The following TTLL5 variants were observed in gnomAD, a reference collection of about 807,000 sequenced individuals.
TTLL5 encodes the protein tubulin polyglutamylase TTLL5.
In TTLL5, 132 loss-of-function variants were observed where a neutral mutation model predicts 168.4. The observed-to-expected ratio is 0.78, with a 90% CI of 0.68 to 0.91. The LOEUF (loss-of-function observed/expected upper bound fraction) is 0.91. TTLL5 is among the 40% of genes least tolerant of loss of function. The pLI, the probability that TTLL5 is intolerant of heterozygous loss-of-function variation, is 0.00. For missense variants in TTLL5, 1,545 were observed against 1,581.5 expected (o/e 0.98, Z 0.39); for synonymous variants, 546 against 558.6 (o/e 0.98, Z 0.32).
chr14:75,729,279 T>C (rs913249756), intron 12 of TTLL5, among the ~76,000 whole-genome samples: 5 of 152,194 alleles, frequency 3.3e-5, no homozygotes, highest in African/African-American at 1.2e-4. Flanking sequence ...CACCCATTCA[T>C]GACAGGAAAG....
At chr14:75,895,305 A>G (rs2140066630) in intron 30 of TTLL5, among the ~76,000 whole-genome samples, 1 of 152,310 alleles carries the variant, frequency 6.6e-6, no homozygotes, top group South Asian at 2.1e-4. Flanking sequence ...TCATTTTACA[A>G]CCCAATTATG....
chr14:75,679,356 G>A (rs1181607848), intron 3 of TTLL5, among the ~76,000 whole-genome samples: 1 of 152,120 alleles, frequency 6.6e-6, no homozygotes, highest in South Asian at 2.1e-4. Flanking sequence ...CATAAGCCAA[G>A]GAATGGAAAA....
chr14:75,947,845 G>A (rs542936916), intron 31 of TTLL5, among the ~76,000 whole-genome samples: 22 of 151,666 alleles, frequency 1.5e-4, no homozygotes, highest in East Asian at 1.2e-3. Context: ...GGAGGCTGGC[G>A]CATCCCCATG....
intron 28 of TTLL5, among the ~76,000 whole-genome samples, chr14:75,863,131 C>T (rs1595168023): frequency 6.6e-6 from 1 of 152,194 alleles, no homozygotes; most frequent in African/African-American, 2.4e-5. Flanking sequence ...TGTCTTCCCA[C>T]ACCATTTATG....
intron 3 of TTLL5, 73 bp from the exon 4 acceptor site, chr14:75,681,472 C>A: frequency 1.7e-6 from 2 of 1,177,924 alleles, no homozygotes; most frequent in South Asian, 1.2e-5. Flanking sequence ...ATAATTAAGC[C>A]ACCATGTTAC....
rs745316288 is a variant in TTLL5 at position 75,775,612 on chromosome 14, T to G, written c.2265T>G (p.Phe755Leu). The part of the protein sequence containing the change: ...RRILAHQLGD[F>L]IIVYNKETEQ... Reference sequence around the variant, plus strand: ...TCCTGGCCCACCAGCTGGGTGACTTTATCATTGTATACAACAAGGTAAGTC... The same window carrying G: ...TCCTGGCCCACCAGCTGGGTGACTTGATCATTGTATACAACAAGGTAAGTC... Residue 755 changes from phenylalanine (F) to leucine (L), a missense_variant, in exon 22 of 32, where the codon TTT (phenylalanine) becomes TTG (leucine). By Grantham distance (22) the Phe-to-Leu change is conservative (BLOSUM62 0). Transcript: ENST00000298832. 2.5e-6 allele frequency: 4 copies of G among 1,613,980 alleles called. No homozygotes were observed. The African/African-American group carries it at 5.3e-5, about 22-fold the overall frequency.
chr14:75,920,696 C>T (rs2033795628), intron 31 of TTLL5, among the ~76,000 whole-genome samples: 1 of 152,162 alleles, frequency 6.6e-6, no homozygotes, highest in Admixed American at 6.6e-5. Flanking sequence ...GTGAATAGTG[C>T]TGCAGTAAAC....
At chr14:75,815,455 G>C (rs754827147) in intron 27 of TTLL5, among the ~76,000 whole-genome samples, 3 of 152,196 alleles carry the variant, frequency 2.0e-5, no homozygotes, top group Non-Finnish European at 4.4e-5. Context: ...AGGAATGGTT[G>C]TTATGTGAAT....
chr14:75,837,211 TGCTG>T (rs1304319137), intron 28 of TTLL5: 1 of 152,220 alleles, frequency 6.6e-6, no homozygotes, highest in Non-Finnish European at 1.5e-5. Context: ...AATGAGTTCA[TGCTG>T]GCTGTCGACA....
rs1892118595 is a variant in TTLL5 at position 75,782,485 on chromosome 14, A to G, written c.2516-2A>G. ...GTCCAAGCTCATTATTTCTTATTTCAGATCACCCTGAGACTATAATGGAAG... is the reference window on the plus strand; with the variant it reads ...GTCCAAGCTCATTATTTCTTATTTCGGATCACCCTGAGACTATAATGGAAG... On this transcript the variant is annotated splice_acceptor_variant, in intron 24 of 31. Coordinates refer to ENST00000298832, the MANE Select transcript of TTLL5 (RefSeq NM_015072.5). LOFTEE classifies it high-confidence loss of function. 2 of 1,610,836 alleles carry G rather than the reference A, an allele frequency of 1.2e-6. No individual in the cohort carries two copies. Among genetic ancestry groups the G allele is most frequent in the Admixed American group, 3.4e-5 (2 of 59,648 alleles).
chr14:75,903,077 T>A (rs778784504), intron 31 of TTLL5, among the ~76,000 whole-genome samples: 21 of 152,224 alleles, frequency 1.4e-4, no homozygotes, highest in Non-Finnish European at 2.2e-4. Context: ...GTGTAATAAC[T>A]CACTTGTTCA....
intron 28 of TTLL5, among the ~76,000 whole-genome samples, chr14:75,861,949 G>A (rs1160476855): frequency 6.6e-6 from 1 of 152,168 alleles, no homozygotes; most frequent in East Asian, 1.9e-4. Context: ...GCCACCATCT[G>A]TCTCCAGAAC....
intron 1 of TTLL5, among the ~76,000 whole-genome samples, chr14:75,662,171 A>G (rs1341041604): frequency 6.6e-6 from 1 of 152,142 alleles, no homozygotes; most frequent in Admixed American, 6.5e-5. Context: ...GTGGAAGGGC[A>G]TTCCTCCCCT....
At chr14:75,905,910 A>T (rs1003497102) in intron 31 of TTLL5, among the ~76,000 whole-genome samples, 6 of 152,174 alleles carry the variant, frequency 3.9e-5, no homozygotes, top group Non-Finnish European at 5.9e-5. Flanking sequence ...AGTAGTCTGC[A>T]ATTGGTGGAA....
At chr14:75,782,279 G>A (rs1158774040) in intron 24 of TTLL5, among the ~76,000 whole-genome samples, 1 of 152,098 alleles carries the variant, frequency 6.6e-6, no homozygotes, top group African/African-American at 2.4e-5. Flanking sequence ...ACTGTAGCTG[G>A]GATTGGGAAT....
chr14:75,699,167 ATC>A lies in TTLL5; in HGVS notation c.503-18_503-17del. Reference sequence around the variant, plus strand: ...TTTTTCTTTGTTTCCTCTGTTTTTTATCTCCCAATATTTTGAGCAGATTCATA... The same window carrying A: ...TTTTTCTTTGTTTCCTCTGTTTTTTATCCCAATATTTTGAGCAGATTCATA... On this transcript the variant is annotated intron_variant, in intron 6 of 31. Transcript: ENST00000298832. 6.3e-7 allele frequency: 1 copy of A among 1,598,446 alleles called. No homozygotes were observed.
At chr14:75,811,156 A>AGAGAGTGTGT (rs60194482) in intron 27 of TTLL5, among the ~76,000 whole-genome samples, 1,356 of 116,564 alleles carry the variant, frequency 0.012, 29 homozygotes, top group East Asian at 0.034. Context: ...TGAAAGAAAG[A>AGAGAGTGTGT]GTGTGTGTGT....
Position 75,735,243 on chromosome 14 carries a change from A to T in TTLL5, c.1235A>T (p.Tyr412Phe), listed in dbSNP as rs757710361. The T allele has an allele frequency of 6.8e-6, 11 of 1,614,086 alleles. No homozygotes were observed. The highest frequency in any genetic ancestry group is 5.0e-5 in the Admixed American group (3 of 60,008). ...CAGCGGGCATCAACTCGGCCAATTT[A>T]TCCCACCTTTGAGTCTTCCAGGCGA... ...PAQRASTRPI[Y>F]PTFESSRRNP... Residue 412 changes from tyrosine to phenylalanine, a missense_variant, in exon 15 of 32, where the codon TAT (tyrosine) becomes TTT (phenylalanine). Physicochemically the swap from Tyr to Phe is conservative, Grantham distance 22. Transcript: ENST00000298832.
chr14:75,777,882 A>G (rs1891808047), intron 23 of TTLL5, among the ~76,000 whole-genome samples: 1 of 152,056 alleles, frequency 6.6e-6, no homozygotes, highest in African/African-American at 2.4e-5. Context: ...GTATGGTGTT[A>G]TTTGTTGACA....
Sources: gnomAD v4.1 joint callset for allele counts (sites outside exome capture counted in the v4.1 genomes callset) on GRCh38, gnomAD v4.1.1 for gene constraint, MANE v1.5 for transcripts, NCBI Gene and HGNC (gene_info 2026-07-23, HGNC 2026-07-21) for gene names.